SNAP29: variants seen among roughly 807,000 people sequenced by gnomAD.
SNAP29 encodes synaptosomal-associated protein 29.
Under a neutral mutation model 27.9 loss-of-function variants are expected in SNAP29, and 13 were observed. That is an observed-to-expected ratio of 0.47 (90% CI 0.30 to 0.74). The LOEUF is 0.74. SNAP29 is among the 30% of genes least tolerant of loss of function. The pLI, the probability that SNAP29 is intolerant of heterozygous loss-of-function variation, is 0.06. For synonymous variants in SNAP29, 119 were observed against 127.1 expected (o/e 0.94, Z 0.43); for missense variants, 368 against 336.5 (o/e 1.09, Z -0.73).
intron 3 of SNAP29, among the ~76,000 whole-genome samples, chr22:20,883,177 G>A (rs1210210003): frequency 6.6e-6 from 1 of 152,122 alleles, no homozygotes; most frequent in Non-Finnish European, 1.5e-5. Context: ...TGTCACTTGT[G>A]TGACTCTGTC....
At chr22:20,877,382 C>T (rs1191750270) in intron 2 of SNAP29, among the ~76,000 whole-genome samples, 2 of 152,144 alleles carry the variant, frequency 1.3e-5, no homozygotes, top group Non-Finnish European at 2.9e-5. Flanking sequence ...CATGGAGAAA[C>T]CCTGTCTCTA....
At chr22:20,880,226 A>G (rs967900272) in intron 2 of SNAP29, among the ~76,000 whole-genome samples, 3 of 151,980 alleles carry the variant, frequency 2.0e-5, no homozygotes, top group Non-Finnish European at 4.4e-5. Flanking sequence ...GGCCAGGCGC[A>G]GTGGCTCATG....
intron 2 of SNAP29, 53 bp from the exon 3 acceptor site, chr22:20,880,996 A>C: frequency 8.7e-7 from 1 of 1,148,212 alleles, no homozygotes; most frequent in Non-Finnish European, 1.3e-6. Context: ...TAACATTGTC[A>C]TAGGGGTTTT....
chr22:20,860,749 A>T (rs1468553580), intron 1 of SNAP29, among the ~76,000 whole-genome samples: 1 of 152,190 alleles, frequency 6.6e-6, no homozygotes, highest in Non-Finnish European at 1.5e-5. Flanking sequence ...AGAAAAAAAA[A>T]GGTTTAAAAA....
At chr22:20,872,602 G>T (rs190760447) in intron 2 of SNAP29, among the ~76,000 whole-genome samples, 1 of 151,808 alleles carries the variant, frequency 6.6e-6, no homozygotes, top group African/African-American at 2.4e-5. Flanking sequence ...GGGTTTCACC[G>T]TGTTAGCCAG....
intron 1 of SNAP29, among the ~76,000 whole-genome samples, chr22:20,861,429 T>A (rs1346299755): frequency 1.3e-5 from 2 of 151,986 alleles, no homozygotes; most frequent in East Asian, 3.9e-4. Flanking sequence ...TGTGTTTAAC[T>A]GTTGGTTTTT....
At chr22:20,882,558 G>T (rs1396238482) in intron 3 of SNAP29, among the ~76,000 whole-genome samples, 1 of 152,142 alleles carries the variant, frequency 6.6e-6, no homozygotes, top group Non-Finnish European at 1.5e-5. Context: ...GATGGAGGAA[G>T]AGCGGGGAGC....
chr22:20,865,100 A>G (rs938388337), intron 1 of SNAP29, among the ~76,000 whole-genome samples: 2 of 152,184 alleles, frequency 1.3e-5, no homozygotes, highest in African/African-American at 2.4e-5. Flanking sequence ...CACACCTGTA[A>G]TCCTAGCACT....
Position 20,859,023 on chromosome 22 carries a change from C to T in SNAP29, c.-88C>T. Reference sequence around the variant, plus strand: ...GCGGAAGGAGTTCGCGCGACGACCGCGGGGTCGGCGGGCGGGGCGAGGCCC... The same window carrying T: ...GCGGAAGGAGTTCGCGCGACGACCGTGGGGTCGGCGGGCGGGGCGAGGCCC... On this transcript the variant is annotated 5_prime_UTR_variant, in exon 1 of 5. Coordinates refer to ENST00000215730, the MANE Select transcript of SNAP29 (RefSeq NM_004782.4). 1.1e-5 allele frequency: 15 copies of T among 1,376,628 alleles called. No individual in the cohort carries two copies. The highest frequency in any genetic ancestry group is 1.5e-5 in the Non-Finnish European group (15 of 1,005,994). 85.3% of individuals were successfully genotyped at this position (1,376,628 alleles called of 1,614,324 possible).
Position 20,859,239 on chromosome 22 carries a change from G to A in SNAP29, c.129G>A (p.Gln43=), listed in dbSNP as rs1928137563. Residue 43 remains glutamine (Q), a synonymous_variant, in exon 1 of 5, where the codon CAG becomes CAA. Transcript: ENST00000215730. ...DGPDAPADRQ[Q]YLRQEVLRRA... Reference sequence around the variant, plus strand: ...CCGACGCGCCCGCGGACAGGCAGCAGTACTTGCGGCAGGAGGTCCTCCGCA... The same window carrying A: ...CCGACGCGCCCGCGGACAGGCAGCAATACTTGCGGCAGGAGGTCCTCCGCA... 3.7e-6 allele frequency: 6 copies of A among 1,607,328 alleles called. No individual in the cohort carries two copies. The highest frequency in any genetic ancestry group is 4.5e-5 in the East Asian group (2 of 44,720).
At chr22:20,874,534 C>T (rs1928692791) in intron 2 of SNAP29, among the ~76,000 whole-genome samples, 2 of 149,204 alleles carry the variant, frequency 1.3e-5, no homozygotes, top group South Asian at 2.1e-4. Context: ...ATGATTGTAC[C>T]AGTCTACTCC....
chr22:20,887,232 A>AC (rs1316522319), intron 4 of SNAP29, among the ~76,000 whole-genome samples: 3 of 152,024 alleles, frequency 2.0e-5, no homozygotes, highest in East Asian at 1.9e-4. Context: ...CTCAAAAAAA[A>AC]AAAAAACAAA....
In SNAP29 at chr22:20,886,318, T is replaced by C. The variant is rs184032284; in HGVS notation, c.620-1361T>C. Among the ~76,000 whole-genome samples, 64 of 151,712 alleles carry C rather than the reference T, an allele frequency of 4.2e-4. 1 individual carries two copies. The East Asian group carries it at 0.012, about 28-fold the overall frequency. ...ACAATCTTTTTATTTTTATATTTTT[T>C]AATTTCTTTCTGAGAGTTTTACTCT... On this transcript the variant is annotated intron_variant, in intron 4 of 4. Coordinates refer to ENST00000215730, the MANE Select transcript of SNAP29 (RefSeq NM_004782.4).
chr22:20,870,449 G>C lies in SNAP29; in HGVS notation c.350G>C (p.Gly117Ala), dbSNP rs373137126. ...ATCAATAGCATTAAGAGCGTGTTTG[G>C]GGGGCTGGTCAATTACTTCAAATCC... ...KHINSIKSVF[G>A]GLVNYFKSKP... Residue 117 changes from glycine to alanine, a missense_variant, in exon 2 of 5, where the codon GGG becomes GCG. Coordinates refer to ENST00000215730, the MANE Select transcript of SNAP29 (RefSeq NM_004782.4). The C allele has an allele frequency of 3.7e-6, 6 of 1,614,040 alleles. No homozygotes were observed. In the Admixed American group the frequency reaches 5.0e-5, roughly 13 times the overall value.
chr22:20,884,190 G>A (rs544854198), intron 4 of SNAP29, among the ~76,000 whole-genome samples: 6 of 151,996 alleles, frequency 3.9e-5, no homozygotes, highest in Non-Finnish European at 5.9e-5. Flanking sequence ...AAAATTAGCC[G>A]GGCGTGGTGG....
In SNAP29 at chr22:20,890,318, A is replaced by G. The variant is rs1929119269; in HGVS notation, c.*2482A>G. On this transcript the variant is annotated 3_prime_UTR_variant, in exon 5 of 5. Transcript: ENST00000215730. Reference sequence around the variant, plus strand: ...GACACATTTCATGGAGACAAGCAAAATGGTGCCAGGGCTGGGCTGACTGTG... The same window carrying G: ...GACACATTTCATGGAGACAAGCAAAGTGGTGCCAGGGCTGGGCTGACTGTG... The G allele has an allele frequency of 2.5e-6, 1 of 398,630 alleles. No individual in the cohort carries two copies. Among genetic ancestry groups the G allele is most frequent in the Non-Finnish European group, 4.4e-6 (1 of 226,066 alleles). 24.7% of individuals were successfully genotyped at this position (398,630 alleles called of 1,614,324 possible).
At chr22:20,866,819 A>G (rs1379585336) in intron 1 of SNAP29, among the ~76,000 whole-genome samples, 1 of 152,122 alleles carries the variant, frequency 6.6e-6, no homozygotes, top group Non-Finnish European at 1.5e-5. Flanking sequence ...CTGACTGCCT[A>G]ACTTCTCAGT....
chr22:20,887,612 A>T (rs1929049616), intron 4 of SNAP29, 67 bp from the exon 5 acceptor site: 7 of 1,559,498 alleles, frequency 4.5e-6, no homozygotes, highest in Non-Finnish European at 6.2e-6. Flanking sequence ...TACCCACACC[A>T]TCAAGAAGCA....
rs1289285257 is a variant in SNAP29, at chr22:20,859,028, T to TCGGCGGGCGGGGC, written c.-82_-70dup. 1 of 1,388,840 alleles carries TCGGCGGGCGGGGC rather than the reference T, an allele frequency of 7.2e-7. No individual in the cohort carries two copies. Among genetic ancestry groups the TCGGCGGGCGGGGC allele is most frequent in the East Asian group, 2.5e-5 (1 of 39,774 alleles). The allele number at this position is 1,388,840 out of a possible 1,614,324, so 86.0% of individuals were successfully genotyped here. On this transcript the variant is annotated 5_prime_UTR_variant, in exon 1 of 5. Transcript: ENST00000215730. ...AGGAGTTCGCGCGACGACCGCGGGG[T>TCGGCGGGCGGGGC]CGGCGGGCGGGGCGAGGCCCTGGAC...
Sources: allele counts gnomAD v4.1 joint callset (sites outside exome capture counted in the v4.1 genomes callset), GRCh38; gene constraint gnomAD v4.1.1; transcripts MANE v1.5; gene names NCBI Gene and HGNC (gene_info 2026-07-23, HGNC 2026-07-21).